EYS: variants seen among roughly 807,000 people sequenced by gnomAD.
EYS encodes the protein EGF-like photoreceptor maintenance factor.
In EYS, 250 loss-of-function variants were observed where a neutral mutation model predicts 282.1. The observed-to-expected ratio is 0.89, with a 90% CI of 0.80 to 0.98. EYS has a LOEUF of 0.98. Among genes scored for constraint, EYS ranks in the 50% least tolerant of loss-of-function variants. EYS has a pLI of 0.00. For missense variants in EYS, 4,016 were observed against 3,709.0 expected (o/e 1.08, Z -2.15); for synonymous variants, 1,355 against 1,282.9 (o/e 1.06, Z -1.20).
intron 35 of EYS, among the ~76,000 whole-genome samples, chr6:63,940,303 A>G (rs1765193612): frequency 6.6e-6 from 1 of 152,024 alleles, no homozygotes; most frequent in Admixed American, 6.6e-5. Flanking sequence ...TGAACACAAC[A>G]TAAAACCATT....
chr6:64,893,127 G>A (rs1282699373), intron 18 of EYS, among the ~76,000 whole-genome samples: 3 of 152,028 alleles, frequency 2.0e-5, no homozygotes, highest in East Asian at 1.9e-4. Context: ...TGAACTAGTA[G>A]CAATGACTTG....
intron 22 of EYS, among the ~76,000 whole-genome samples, chr6:64,708,811 C>T (rs1364297119): frequency 6.6e-6 from 1 of 152,158 alleles, no homozygotes; most frequent in Admixed American, 6.5e-5. Context: ...AGTTGTGATG[C>T]CTGCTGTGCC....
intron 26 of EYS, among the ~76,000 whole-genome samples, chr6:64,465,334 G>A (rs533977248): frequency 1.9e-4 from 29 of 152,178 alleles, no homozygotes; most frequent in African/African-American, 6.5e-4. Context: ...AACAAAGCTG[G>A]AGGCAGCATA....
intron 9 of EYS, among the ~76,000 whole-genome samples, chr6:65,348,857 C>A (rs970074594): frequency 5.9e-5 from 9 of 151,576 alleles, no homozygotes; most frequent in Non-Finnish European, 1.2e-4. Context: ...GTCTTAGATG[C>A]AAGTCTTTAA....
At chr6:64,019,355 G>A (rs1007873322) in intron 33 of EYS, among the ~76,000 whole-genome samples, 9 of 151,982 alleles carry the variant, frequency 5.9e-5, no homozygotes, top group Non-Finnish European at 1.5e-5. Flanking sequence ...CACATAGTTT[G>A]TGTCCATTTC....
At chr6:65,294,349 GAA>G (rs1173557275) in intron 12 of EYS, among the ~76,000 whole-genome samples, 2 of 151,880 alleles carry the variant, frequency 1.3e-5, no homozygotes, top group African/African-American at 4.8e-5. Flanking sequence ...TCAGTGGAAA[GAA>G]AAAGACACAA....
intron 19 of EYS, among the ~76,000 whole-genome samples, chr6:64,856,735 A>G (rs1319065874): frequency 6.6e-6 from 1 of 152,126 alleles, no homozygotes; most frequent in Admixed American, 6.6e-5. Flanking sequence ...AGTCCTTCAC[A>G]ATCTCAAACA....
chr6:65,187,771 A>G (rs1308322421), intron 12 of EYS, among the ~76,000 whole-genome samples: 1 of 151,710 alleles, frequency 6.6e-6, no homozygotes, highest in Non-Finnish European at 1.5e-5. Flanking sequence ...ACTTGAGAAA[A>G]AGTTTGGTAA....
intron 11 of EYS, chr6:65,300,773 A>G (rs1257874184): frequency 6.6e-6 from 1 of 152,150 alleles, no homozygotes; most frequent in Admixed American, 6.5e-5. Flanking sequence ...ACCTACATCC[A>G]CTCAGTGACA....
intron 22 of EYS, among the ~76,000 whole-genome samples, chr6:64,713,555 T>G (rs894742942): frequency 2.6e-5 from 4 of 152,172 alleles, no homozygotes; most frequent in African/African-American, 9.7e-5. Flanking sequence ...TATAGACTCC[T>G]TAAGGCATCA....
chr6:63,803,893 TAAG>T (rs1770838607), intron 37 of EYS, among the ~76,000 whole-genome samples: 1 of 152,108 alleles, frequency 6.6e-6, no homozygotes. Context: ...AGGAAGTAAA[TAAG>T]AAGCTGAGGT....
chr6:64,180,089 C>T (rs1764746154), intron 31 of EYS, among the ~76,000 whole-genome samples: 1 of 152,068 alleles, frequency 6.6e-6, no homozygotes, highest in Admixed American at 6.6e-5. Flanking sequence ...TAAAGCAGTT[C>T]AAGGTTTTTC....
At chr6:64,813,355 C>T in intron 22 of EYS, 23 bp downstream of exon 22, 2 of 1,521,212 alleles carry the variant, frequency 1.3e-6, no homozygotes, top group African/African-American at 1.4e-5. Context: ...TATTTACTTA[C>T]TTGTGGGTAA....
chr6:64,665,695 G>T (rs966469045), intron 22 of EYS, among the ~76,000 whole-genome samples: 1 of 152,138 alleles, frequency 6.6e-6, no homozygotes, highest in African/African-American at 2.4e-5. Context: ...CAATTGTCAC[G>T]TTTTCACTTC....
chr6:65,570,431 T>C (rs1289974123), intron 2 of EYS, among the ~76,000 whole-genome samples: 1 of 152,184 alleles, frequency 6.6e-6, no homozygotes, highest in Non-Finnish European at 1.5e-5. Context: ...GTTATTATGC[T>C]GTGATTAACT....
chr6:65,650,317 G>A (rs1412119051), intron 1 of EYS, among the ~76,000 whole-genome samples: 4 of 152,140 alleles, frequency 2.6e-5, no homozygotes, highest in African/African-American at 7.2e-5. Flanking sequence ...TCTCTTTGAG[G>A]TCTGAAGGTT....
chr6:65,439,958 G>A (rs1399953508), intron 5 of EYS, among the ~76,000 whole-genome samples: 1 of 152,064 alleles, frequency 6.6e-6, no homozygotes, highest in Admixed American at 6.6e-5. Flanking sequence ...AGGTGACAGT[G>A]GAGGGCAAAT....
At position 65,284,369 on chromosome 6, in the gene EYS, A is replaced by G. The variant is rs183342926; in HGVS notation, c.2023+11494T>C. On this transcript the variant is annotated intron_variant, in intron 12 of 42. Coordinates refer to ENST00000503581, the MANE Select transcript of EYS (RefSeq NM_001142800.2). The stretch of plus-strand genomic sequence containing the variant: ...CAGTTGCCATATGAAAAAAGCTACT[A>G]CTTTTTTTTTGCAGGTGATTTTTAA... Among the ~76,000 whole-genome samples the G allele has an allele frequency of 9.0e-4, 137 of 152,090 alleles. 1 individual carries two copies. The highest frequency in any genetic ancestry group is 3.4e-3 in the Middle Eastern group (1 of 294).
At chr6:64,269,627 A>C (rs1024496399) in intron 30 of EYS, among the ~76,000 whole-genome samples, 5 of 152,110 alleles carry the variant, frequency 3.3e-5, no homozygotes, top group Non-Finnish European at 7.4e-5. Flanking sequence ...TTAGATGTAT[A>C]CATATACTTG....
Sources: allele counts gnomAD v4.1 joint callset (sites outside exome capture counted in the v4.1 genomes callset), GRCh38; gene constraint gnomAD v4.1.1; transcripts MANE v1.5; gene names NCBI Gene and HGNC (gene_info 2026-07-23, HGNC 2026-07-21).